WDR17: variants seen among roughly 807,000 people sequenced by gnomAD.
WDR17 encodes WD repeat domain 17, also known as WD repeat-containing protein 17.
Under a neutral mutation model 161.7 loss-of-function variants are expected in WDR17, and 143 were observed. That is an observed-to-expected ratio of 0.88 (90% CI 0.77 to 1.02). The LOEUF is 1.02. Among genes scored for constraint, WDR17 ranks in the 50% least tolerant of loss-of-function variants. The pLI is 0.00. For synonymous variants in WDR17, 517 were observed against 515.6 expected (o/e 1.00, Z -0.04); for missense variants, 1,469 against 1,520.9 (o/e 0.97, Z 0.57).
At chr4:176,168,619 G>A in intron 22 of WDR17, 53 bp from the exon 23 acceptor site, 1 of 1,606,204 alleles carries the variant, frequency 6.2e-7, no homozygotes, top group Non-Finnish European at 8.5e-7. Flanking sequence ...AGTTATGAAT[G>A]TTATTTTTAA....
At chr4:176,112,451 AC>A (rs1198213846) in intron 2 of WDR17, among the ~76,000 whole-genome samples, 1 of 152,158 alleles carries the variant, frequency 6.6e-6, no homozygotes, top group East Asian at 1.9e-4. Context: ...TAACATCTAA[AC>A]TTCATAAAAT....
At chr4:176,083,436 T>G (rs1431441298) in intron 1 of WDR17, among the ~76,000 whole-genome samples, 2 of 152,082 alleles carry the variant, frequency 1.3e-5, no homozygotes, top group African/African-American at 2.4e-5. Flanking sequence ...ATATTGTACA[T>G]TTTTGTGCTT....
chr4:176,142,500 G>C (rs1001427913), intron 11 of WDR17, among the ~76,000 whole-genome samples: 1 of 152,158 alleles, frequency 6.6e-6, no homozygotes, highest in African/African-American at 2.4e-5. Flanking sequence ...TTTCCACGAT[G>C]TGGAACTTAA....
chr4:176,115,889 G>A lies in WDR17; in HGVS notation c.217G>A (p.Asp73Asn). 1 of 1,611,458 alleles carries A rather than the reference G, an allele frequency of 6.2e-7. No individual in the cohort carries two copies. The highest frequency in any genetic ancestry group is 8.5e-7 in the Non-Finnish European group (1 of 1,178,480). ...AATTTCTTGGTGTCCACATAATCCTGATCTGTTTGCAAGTGGCAGTACTGA... is the reference window on the plus strand; with the variant it reads ...AATTTCTTGGTGTCCACATAATCCTAATCTGTTTGCAAGTGGCAGTACTGA... Reference protein sequence around the residue: ...TAISWCPHNPDLFASGSTDNL... With the variant: ...TAISWCPHNPNLFASGSTDNL... Residue 73 changes from aspartate to asparagine, a missense_variant, in exon 3 of 29, where the codon GAT becomes AAT. Physicochemically the swap from Asp to Asn is conservative, Grantham distance 23. Coordinates refer to ENST00000508596, the MANE Select transcript of WDR17 (RefSeq NM_181265.4).
intron 12 of WDR17, among the ~76,000 whole-genome samples, chr4:176,147,419 G>A (rs1326564560): frequency 3.9e-5 from 6 of 151,958 alleles, no homozygotes; most frequent in Non-Finnish European, 8.8e-5. Flanking sequence ...GTAATTTCAC[G>A]AATCCAGTTA....
Position 176,125,245 on chromosome 4 carries a change from T to A in WDR17, c.680T>A (p.Val227Glu), listed in dbSNP as rs767037019. 5 of 1,614,194 alleles carry A rather than the reference T, an allele frequency of 3.1e-6. No individual in the cohort carries two copies. In the South Asian group the frequency reaches 5.5e-5, roughly 18 times the overall value. ...AATTTGCATTATGGAATTCGCCTGG[T>A]AGATTCTGAATCACTTTCTTGCATA... ...VVNLHYGIRLVDSESLSCITT... is the reference protein window; with the variant it reads ...VVNLHYGIRLEDSESLSCITT... Residue 227 changes from valine to glutamate, a missense_variant, in exon 5 of 29, where the codon GTA (valine) becomes GAA (glutamate). By Grantham distance (121) the Val-to-Glu change is moderately radical (BLOSUM62 -2). Transcript: ENST00000508596.
Position 176,174,646 on chromosome 4 carries a change from G to T in WDR17, c.3377G>T (p.Gly1126Val). ...EARNELLILCGYIGALLAIRR... is the reference protein window; with the variant it reads ...EARNELLILCVYIGALLAIRR... ...CGAAATGAGTTGCTGATATTATGTGGTTACATTGGTGCATTACTGGCTATC... is the reference window on the plus strand; with the variant it reads ...CGAAATGAGTTGCTGATATTATGTGTTTACATTGGTGCATTACTGGCTATC... The change falls in exon 26 of 29, where the codon GGT becomes GTT. Residue 1126 changes from glycine (G) to valine (V), a missense_variant. Transcript: ENST00000508596. 6.2e-7 allele frequency: 1 copy of T among 1,611,534 alleles called. No homozygotes were observed. Among genetic ancestry groups the T allele is most frequent in the Non-Finnish European group, 8.5e-7 (1 of 1,178,522 alleles).
chr4:176,169,312 A>G (rs2126874817), intron 23 of WDR17, among the ~76,000 whole-genome samples: 1 of 152,324 alleles, frequency 6.6e-6, no homozygotes, highest in East Asian at 1.9e-4. Flanking sequence ...TTATATACAA[A>G]AACAACCAAA....
At chr4:176,069,961 A>G (rs1006773802) in intron 1 of WDR17, among the ~76,000 whole-genome samples, 1 of 152,210 alleles carries the variant, frequency 6.6e-6, no homozygotes, top group South Asian at 2.1e-4. Context: ...GAGTTATGCA[A>G]CATTTTATTT....
At chr4:176,109,223 T>A (rs931740595) in intron 1 of WDR17, among the ~76,000 whole-genome samples, 1 of 152,138 alleles carries the variant, frequency 6.6e-6, no homozygotes, top group Non-Finnish European at 1.5e-5. Flanking sequence ...TAAATAGTAA[T>A]TTAATAGATC....
intron 1 of WDR17, among the ~76,000 whole-genome samples, chr4:176,096,010 T>A (rs1368201966): frequency 6.6e-6 from 1 of 152,156 alleles, no homozygotes; most frequent in Non-Finnish European, 1.5e-5. Flanking sequence ...TTAACTTAAA[T>A]GTAAAATGAT....
chr4:176,089,234 G>A (rs1244741321), intron 1 of WDR17, among the ~76,000 whole-genome samples: 1 of 151,798 alleles, frequency 6.6e-6, no homozygotes, highest in African/African-American at 2.4e-5. Flanking sequence ...ACTCCCTCAG[G>A]GCTTCTTTTA....
At position 176,097,463 on chromosome 4, in the gene WDR17, T is replaced by A. The variant is rs921071965; in HGVS notation, c.-6-14112T>A. On this transcript the variant is annotated intron_variant, in intron 1 of 28. Coordinates refer to ENST00000508596, the MANE Select transcript of WDR17 (RefSeq NM_181265.4). ...AGTATTACTTCTTTTTAATTATAAATCCTCAACAGTTTAAAGCCTTTTGGA... is the reference window on the plus strand; with the variant it reads ...AGTATTACTTCTTTTTAATTATAAAACCTCAACAGTTTAAAGCCTTTTGGA... Among the ~76,000 whole-genome samples, 4 of 151,944 alleles carry A rather than the reference T, an allele frequency of 2.6e-5. No homozygotes were observed. In the South Asian group the frequency reaches 8.3e-4, roughly 31 times the overall value.
In WDR17 at chr4:176,122,437, C is replaced by G. The variant is rs1264252955; in HGVS notation, c.538+2340C>G. 2.0e-5 allele frequency among the ~76,000 whole-genome samples: 3 copies of G among 152,176 alleles called. No homozygotes were observed. In the East Asian group the frequency reaches 5.8e-4, roughly 29 times the overall value. On this transcript the variant is annotated intron_variant, in intron 4 of 28. Coordinates refer to ENST00000508596, the MANE Select transcript of WDR17 (RefSeq NM_181265.4). ...CAACCCAATACAGACTTGTTAACCT[C>G]ATTTATTCTGTAGGATTTATTTAGC...
intron 1 of WDR17, among the ~76,000 whole-genome samples, chr4:176,100,342 G>T (rs1737621514): frequency 1.3e-5 from 2 of 152,048 alleles, no homozygotes; most frequent in Admixed American, 1.3e-4. Context: ...GTGATGTTGA[G>T]CATTTTTTCA....
At chr4:176,168,540 C>A in intron 22 of WDR17, 132 bp from the exon 23 acceptor site, 1 of 994,476 alleles carries the variant, frequency 1.0e-6, no homozygotes, top group Non-Finnish European at 1.5e-6. Context: ...ATTAAGTAGG[C>A]TATTAATACT....
Position 176,120,110 on chromosome 4 carries a change from T to G in WDR17, c.538+13T>G, listed in dbSNP as rs1741306711. On this transcript the variant is annotated intron_variant, in intron 4 of 28. Coordinates refer to ENST00000508596, the MANE Select transcript of WDR17 (RefSeq NM_181265.4). The stretch of plus-strand genomic sequence containing the variant: ...ATTTTTCATCCAGGTAAGAATTTAA[T>G]TAGCAAGGTATCTTAAATAGTATAT... 1 of 1,591,260 alleles carries G rather than the reference T, an allele frequency of 6.3e-7. No homozygotes were observed. Among genetic ancestry groups the G allele is most frequent in the African/African-American group, 1.3e-5 (1 of 74,348 alleles).
At position 176,115,971 on chromosome 4, in the gene WDR17, G is replaced by A; in HGVS notation, c.299G>A (p.Ser100Asn). The change falls in exon 3 of 29, where the codon AGT becomes AAT. Residue 100 changes from serine to asparagine, a missense_variant. Transcript: ENST00000508596. The part of the protein sequence containing the change: ...AEQKVIAKLD[S>N]TKGIPASLSW... ...CAAAAAGTCATTGCTAAACTCGACA[G>A]TACAAAAGGTATAATTACAACTGGG... The A allele has an allele frequency of 1.3e-6, 2 of 1,596,634 alleles. No homozygotes were observed. The highest frequency in any genetic ancestry group is 2.3e-5 in the East Asian group (1 of 43,824).
chr4:176,077,294 G>A (rs1035453707), intron 1 of WDR17, among the ~76,000 whole-genome samples: 2 of 151,660 alleles, frequency 1.3e-5, no homozygotes, highest in African/African-American at 4.8e-5. Context: ...CAGCTCCCAG[G>A]CCATGCATGG....
Sources: allele counts gnomAD v4.1 joint callset (sites outside exome capture counted in the v4.1 genomes callset), GRCh38; gene constraint gnomAD v4.1.1; transcripts MANE v1.5; gene names NCBI Gene and HGNC (gene_info 2026-07-23, HGNC 2026-07-21).